Variants in MAML3 observed in about 807,000 individuals in gnomAD.
MAML3 encodes the protein mastermind-like protein 3.
In MAML3, 27 loss-of-function variants were observed where a neutral mutation model predicts 101.9. That is an observed-to-expected ratio of 0.27 (90% CI 0.20 to 0.37). The LOEUF (loss-of-function observed/expected upper bound fraction) is 0.37. MAML3 is among the 10% of genes least tolerant of loss of function. The pLI, the probability that MAML3 is intolerant of heterozygous loss-of-function variation, is 1.00. For synonymous variants in MAML3, 501 were observed against 555.9 expected, an observed-to-expected ratio of 0.90 and a Z score of 1.39; for missense variants, 1,316 against 1,444.9, an observed-to-expected ratio of 0.91 and a Z score of 1.45.
In MAML3 at chr4:139,998,499, C is replaced by G. The variant is rs551119287; in HGVS notation, c.469-107532G>C. 2.0e-5 allele frequency among the ~76,000 whole-genome samples: 3 copies of G among 152,236 alleles called. No homozygotes were observed. In the South Asian group the frequency reaches 6.2e-4, roughly 32 times the overall value. ...CTGCCTTTCCTCAACCTTTCAAAGTCTTTTTATACTTGTTTTATACATAAT... is the reference window on the plus strand; with the variant it reads ...CTGCCTTTCCTCAACCTTTCAAAGTGTTTTTATACTTGTTTTATACATAAT... On this transcript the variant is annotated intron_variant, in intron 1 of 4. Transcript: ENST00000509479.
chr4:139,799,208 T>C (rs1441768932), intron 2 of MAML3, among the ~76,000 whole-genome samples: 2 of 152,210 alleles, frequency 1.3e-5, no homozygotes, highest in Admixed American at 6.5e-5. Flanking sequence ...AGTACTGCCA[T>C]TTTTTTGTGA....
intron 2 of MAML3, chr4:139,740,574 G>C (rs1483512906): frequency 6.6e-6 from 1 of 151,954 alleles, no homozygotes; most frequent in African/African-American, 2.4e-5. Flanking sequence ...CCCCCAACCC[G>C]AGCCTTTCTC....
Position 139,720,146 on chromosome 4 carries a change from G to C in MAML3, c.2594C>G (p.Pro865Arg), listed in dbSNP as rs542637187. The change falls in exon 5 of 5, where the codon CCT becomes CGT. Residue 865 changes from proline to arginine, a missense_variant. Physicochemically the swap from Pro to Arg is moderately radical, Grantham distance 103. Coordinates refer to ENST00000509479, the MANE Select transcript of MAML3 (RefSeq NM_018717.5). ...ATTGTACATTCCTGGTTGGCTGGTA[G>C]GCGTGGTGCTATAAGGGGCCAGTCC... Reference protein sequence around the residue: ...EMGLAPYSTTPTSQPGMYNMS... With the variant: ...EMGLAPYSTTRTSQPGMYNMS... 3 of 1,614,096 alleles carry C rather than the reference G, an allele frequency of 1.9e-6. No homozygotes were observed. The highest frequency in any genetic ancestry group is 4.5e-5 in the East Asian group (2 of 44,890).
intron 2 of MAML3, among the ~76,000 whole-genome samples, chr4:139,829,671 A>G (rs1033780268): frequency 6.6e-6 from 1 of 152,334 alleles, no homozygotes; most frequent in Middle Eastern, 3.4e-3. Context: ...TTAATACCCA[A>G]ATAGATTCAC....
chr4:139,724,878 C>T (rs1482206696), intron 4 of MAML3, among the ~76,000 whole-genome samples: 1 of 151,608 alleles, frequency 6.6e-6, no homozygotes, highest in Non-Finnish European at 1.5e-5. Context: ...TGTGCCTCAA[C>T]CTCCTAAGTA....
At chr4:140,011,574 G>A (rs1377781277) in intron 1 of MAML3, among the ~76,000 whole-genome samples, 1 of 151,392 alleles carries the variant, frequency 6.6e-6, no homozygotes, top group Admixed American at 6.6e-5. Flanking sequence ...TCGATCTCCT[G>A]ACCTCATGAT....
intron 2 of MAML3, among the ~76,000 whole-genome samples, chr4:139,789,849 A>G (rs1430056952): frequency 6.6e-6 from 1 of 152,048 alleles, no homozygotes; most frequent in Non-Finnish European, 1.5e-5. Context: ...GTGATGAAAC[A>G]GGTGTGGAGG....
chr4:139,996,686 C>CGTGT (rs1553968137), intron 1 of MAML3, among the ~76,000 whole-genome samples: 52 of 151,024 alleles, frequency 3.4e-4, no homozygotes, highest in African/African-American at 1.0e-3. Context: ...ATAGTTGTAT[C>CGTGT]GTGTGTGTGT....
At chr4:140,145,881 T>TTTTTC (rs1560907840) in intron 1 of MAML3, among the ~76,000 whole-genome samples, 2 of 141,876 alleles carry the variant, frequency 1.4e-5, no homozygotes, top group Non-Finnish European at 3.1e-5. Context: ...CTTTTTTCTT[T>TTTTTC]TTTTTTTTTG....
At chr4:139,970,565 G>A (rs766737021) in intron 1 of MAML3, among the ~76,000 whole-genome samples, 2 of 152,150 alleles carry the variant, frequency 1.3e-5, no homozygotes, top group Middle Eastern at 3.2e-3. Context: ...TTAGGAGGAC[G>A]CCCAAGCAGT....
At chr4:139,803,861 A>T (rs1277577893) in intron 2 of MAML3, among the ~76,000 whole-genome samples, 1 of 152,218 alleles carries the variant, frequency 6.6e-6, no homozygotes, top group Non-Finnish European at 1.5e-5. Context: ...CCAAGGTCAC[A>T]CAACTGTTGA....
At chr4:139,934,549 C>T (rs1733468932) in intron 1 of MAML3, among the ~76,000 whole-genome samples, 1 of 152,146 alleles carries the variant, frequency 6.6e-6, no homozygotes, top group Non-Finnish European at 1.5e-5. Flanking sequence ...TCTCCATCAC[C>T]CCCTCAGAAA....
At chr4:139,892,649 C>T (rs892181880) in intron 1 of MAML3, among the ~76,000 whole-genome samples, 2 of 151,012 alleles carry the variant, frequency 1.3e-5, no homozygotes, top group African/African-American at 4.9e-5. Flanking sequence ...TATAACTCTG[C>T]AATGATTTCC....
intron 1 of MAML3, among the ~76,000 whole-genome samples, chr4:140,111,162 A>G (rs1381151185): frequency 6.6e-6 from 1 of 152,214 alleles, no homozygotes; most frequent in Non-Finnish European, 1.5e-5. Flanking sequence ...ATTATTGTAC[A>G]TTATACAACA....
intron 2 of MAML3, among the ~76,000 whole-genome samples, chr4:139,831,955 G>A (rs1731171311): frequency 6.6e-6 from 1 of 151,868 alleles, no homozygotes; most frequent in Non-Finnish European, 1.5e-5. Flanking sequence ...ACCACGCCCG[G>A]CTAATTTTTT....
chr4:140,017,652 T>G (rs973980122), intron 1 of MAML3, among the ~76,000 whole-genome samples: 1 of 151,556 alleles, frequency 6.6e-6, no homozygotes, highest in Non-Finnish European at 1.5e-5. Context: ...CAACAGAGAA[T>G]CATGCTGAGC....
chr4:139,950,902 CG>C (rs1333350102), intron 1 of MAML3, among the ~76,000 whole-genome samples: 1 of 152,166 alleles, frequency 6.6e-6, no homozygotes, highest in East Asian at 1.9e-4. Context: ...AAGAGGCCAT[CG>C]GGTTACTAAA....
At chr4:139,980,909 C>G (rs1185329161) in intron 1 of MAML3, among the ~76,000 whole-genome samples, 1 of 152,146 alleles carries the variant, frequency 6.6e-6, no homozygotes, top group Non-Finnish European at 1.5e-5. Flanking sequence ...AGAGAATACT[C>G]CTCTCTGTTG....
intron 1 of MAML3, among the ~76,000 whole-genome samples, chr4:140,147,026 G>A (rs112091882): frequency 0.084 from 12,700 of 150,800 alleles, 794 homozygotes; most frequent in East Asian, 0.25. Context: ...TCAGCTACTC[G>A]GGAGGCTGAG....
Sources: gnomAD v4.1 joint callset for allele counts (sites outside exome capture counted in the v4.1 genomes callset) on GRCh38, gnomAD v4.1.1 for gene constraint, MANE v1.5 for transcripts, NCBI Gene and HGNC (gene_info 2026-07-23, HGNC 2026-07-21) for gene names.